CSNK1E: variants seen among roughly 807,000 people sequenced by gnomAD.
CSNK1E encodes casein kinase 1 epsilon, also known as casein kinase I isoform epsilon.
In CSNK1E, 17 loss-of-function variants were observed where a neutral mutation model predicts 46.1. That is an observed-to-expected ratio of 0.37 (90% CI 0.25 to 0.55). CSNK1E has a LOEUF of 0.55. Among genes scored for constraint, CSNK1E ranks in the 20% least tolerant of loss-of-function variants. CSNK1E has a pLI of 0.82. For synonymous variants in CSNK1E, 241 were observed against 242.6 expected, an observed-to-expected ratio of 0.99 and a Z score of 0.06; for missense variants, 386 against 595.4, an observed-to-expected ratio of 0.65 and a Z score of 3.66.
chr22:38,311,004 G>A (rs933603518), intron 2 of CSNK1E, among the ~76,000 whole-genome samples: 1 of 152,178 alleles, frequency 6.6e-6, no homozygotes, highest in Non-Finnish European at 1.5e-5. Flanking sequence ...GTGAGTCAGG[G>A]CAGGGTCCCC....
chr22:38,315,348 G>C (rs1241629719), intron 1 of CSNK1E, among the ~76,000 whole-genome samples: 1 of 152,238 alleles, frequency 6.6e-6, no homozygotes, highest in Non-Finnish European at 1.5e-5. Context: ...GAGAGACAGG[G>C]AACCCCGGCA....
At position 38,294,416 on chromosome 22, in the gene CSNK1E, C is replaced by A; in HGVS notation, c.1004G>T (p.Gly335Val). 1 of 1,559,754 alleles carries A rather than the reference C, an allele frequency of 6.4e-7. No individual in the cohort carries two copies. The highest frequency in any genetic ancestry group is 8.7e-7 in the Non-Finnish European group (1 of 1,154,686). The change falls in exon 8 of 11, where the codon GGG becomes GTG. Residue 335 changes from glycine (G) to valine (V), a missense_variant. By Grantham distance (109) the Gly-to-Val change is moderately radical (BLOSUM62 -3). Around this residue, in one of 2 missense-constraint regions of CSNK1E, gnomAD observed 174 missense variants for 185.2 expected, o/e 0.94. Transcript: ENST00000396832. The surrounding 1 kb of genome is among the most constrained non-coding windows in gnomAD (Gnocchi z 5.5). ...ACTGCGGAGCCGGTTGGCAGTGGCC[C>A]CCGTGGGTGGGCCAGGGGGCAGGGC... ...TRALPPGPPT[G>V]ATANRLRSAA...
At chr22:38,293,860 A>T in intron 9 of CSNK1E, 1 of 532,848 alleles carries the variant, frequency 1.9e-6, no homozygotes, top group Non-Finnish European at 3.3e-6. Flanking sequence ...GGCAGCGAGG[A>T]CTGGAGCCCA....
chr22:38,303,098 C>T lies in CSNK1E; in HGVS notation c.187+40G>A. 6.3e-7 allele frequency: 1 copy of T among 1,597,284 alleles called. No homozygotes were observed. Among genetic ancestry groups the T allele is most frequent in the Non-Finnish European group, 8.5e-7 (1 of 1,172,270 alleles). On this transcript the variant is annotated intron_variant, in intron 3 of 10. Transcript: ENST00000396832. The surrounding 1 kb of genome is among the most constrained non-coding windows in gnomAD (Gnocchi z 4.7). ...ACCCTGTGCTCATGGCTGCCCACCG[C>T]CACCCACCCGGCGCCCGCCGCCGCC...
chr22:38,293,481 G>C (rs1201736242), intron 9 of CSNK1E, among the ~76,000 whole-genome samples, 162 bp from the exon 10 acceptor site: 1 of 151,508 alleles, frequency 6.6e-6, no homozygotes, highest in African/African-American at 2.4e-5. Flanking sequence ...GCTGAGGGAA[G>C]GCCTGTGTGA....
chr22:38,318,064 A>C (rs185068521), upstream of CSNK1E: 40 of 152,302 alleles, frequency 2.6e-4, 1 homozygote, highest in African/African-American at 9.4e-4. Context: ...GGGCACAGAG[A>C]GGACCCCTCA....
At chr22:38,312,693 A>G (rs937364229) in intron 2 of CSNK1E, among the ~76,000 whole-genome samples, 2 of 152,156 alleles carry the variant, frequency 1.3e-5, no homozygotes, top group Admixed American at 1.3e-4. Flanking sequence ...AGTTTACAAA[A>G]TACTTTCCCA....
In CSNK1E at chr22:38,291,084, CAG is replaced by C. The variant is rs575675256; in HGVS notation, c.*885_*886del. ...AGGACCAGGGAAGTAATTTATAACTCAGAGCCAGATGCCTTCTGGAAGCAGTC... is the reference window on the plus strand; with the variant it reads ...AGGACCAGGGAAGTAATTTATAACTCAGCCAGATGCCTTCTGGAAGCAGTC... On this transcript the variant is annotated 3_prime_UTR_variant, in exon 11 of 11. Transcript: ENST00000396832. 14 of 152,218 alleles carry C rather than the reference CAG, an allele frequency of 9.2e-5. No homozygotes were observed. Among genetic ancestry groups the C allele is most frequent in the Admixed American group, 3.3e-4 (5 of 15,276 alleles). The allele number at this position is 152,218 out of a possible 1,614,324, so 9.4% of individuals were successfully genotyped here. A position where few individuals can be genotyped will look rare whatever the true frequency, so the allele number is the denominator to read the frequency against.
chr22:38,298,640 G>C lies in CSNK1E; in HGVS notation c.885+146C>G, dbSNP rs1368406388. The C allele has an allele frequency of 8.8e-6, 8 of 907,890 alleles. No homozygotes were observed. The highest frequency in any genetic ancestry group is 1.4e-5 in the Non-Finnish European group (8 of 586,088). 56.2% of individuals were successfully genotyped at this position (907,890 alleles called of 1,614,324 possible). A position where few individuals can be genotyped will look rare whatever the true frequency, so the allele number is the denominator to read the frequency against. ...AGCACGGATGAGGCTGGAGGGCTCT[G>C]GGACCCCAGTGAGGTCAACCACACT... On this transcript the variant is annotated intron_variant, in intron 7 of 10. Transcript: ENST00000396832. This position sits in a 1 kb window ranked among gnomAD's most constrained non-coding sequence, Gnocchi z 4.2.
intron 7 of CSNK1E, chr22:38,296,753 C>T: frequency 6.4e-7 from 1 of 1,554,132 alleles, no homozygotes; most frequent in South Asian, 1.2e-5. Flanking sequence ...GAACCTAGAG[C>T]AGTGATGTCC....
chr22:38,314,882 C>G (rs1207743688), intron 1 of CSNK1E, among the ~76,000 whole-genome samples: 2 of 151,884 alleles, frequency 1.3e-5, no homozygotes, highest in Non-Finnish European at 2.9e-5. Flanking sequence ...TCTGCTCTGG[C>G]CTGGGGCAGA....
In CSNK1E at chr22:38,294,210, C is replaced by T; in HGVS notation, c.1117G>A (p.Glu373Lys). The T allele has an allele frequency of 1.2e-6, 2 of 1,612,708 alleles. No homozygotes were observed. The highest frequency in any genetic ancestry group is 1.7e-6 in the Non-Finnish European group (2 of 1,179,930). Residue 373 changes from glutamate (E) to lysine (K), a missense_variant, in exon 9 of 11, where the codon GAG becomes AAG. By Grantham distance (56) the Glu-to-Lys change is moderately conservative. Transcript: ENST00000396832. The surrounding 1 kb of genome is among the most constrained non-coding windows in gnomAD (Gnocchi z 5.5). Reference protein sequence around the residue: ...SPRAISRVDRERKVSMRLHRG... With the variant: ...SPRAISRVDRKRKVSMRLHRG... ...TGCAGCCTCATACTCACCTTCCTCT[C>T]CCGGTCGACCCGCGAGATCGCTCTG...
chr22:38,305,806 T>C (rs935602652), intron 2 of CSNK1E, among the ~76,000 whole-genome samples: 1 of 151,914 alleles, frequency 6.6e-6, no homozygotes, highest in Non-Finnish European at 1.5e-5. Flanking sequence ...GTGGGGGCGC[T>C]GAGCACTCCT....
rs2145840081 is a variant in CSNK1E, at chr22:38,303,796, C to T, written c.77-548G>A. On this transcript the variant is annotated intron_variant, in intron 2 of 10. Transcript: ENST00000396832. This position sits in a 1 kb window ranked among gnomAD's most constrained non-coding sequence, Gnocchi z 4.7. Reference sequence around the variant, plus strand: ...AGTGTCTCATTCGATTCTCAACCCCCTTGTAGAGATGAGAAAACAGAGACC... The same window carrying T: ...AGTGTCTCATTCGATTCTCAACCCCTTTGTAGAGATGAGAAAACAGAGACC... 6.6e-6 allele frequency among the ~76,000 whole-genome samples: 1 copy of T among 152,280 alleles called. No homozygotes were observed. The highest frequency in any genetic ancestry group is 1.5e-5 in the Non-Finnish European group (1 of 68,012).
At chr22:38,296,273 C>A in intron 7 of CSNK1E, 1 of 1,206,648 alleles carries the variant, frequency 8.3e-7, no homozygotes, top group Non-Finnish European at 1.0e-6. Context: ...AGCATCCACC[C>A]GTCATCATAT....
intron 1 of CSNK1E, among the ~76,000 whole-genome samples, 171 bp from the exon 2 acceptor site, chr22:38,314,340 G>A (rs1487065184): frequency 2.0e-5 from 3 of 152,252 alleles, no homozygotes; most frequent in South Asian, 2.1e-4. Context: ...CTGGGGAACA[G>A]CTAAGGCAGG....
chr22:38,299,116 C>T (rs546409701), intron 6 of CSNK1E, among the ~76,000 whole-genome samples, 182 bp from the exon 7 acceptor site: 2 of 152,302 alleles, frequency 1.3e-5, no homozygotes, highest in South Asian at 2.1e-4. Flanking sequence ...CTAGCCTGCC[C>T]GTGAGCAGAG....
chr22:38,315,058 T>C (rs1051020625), intron 1 of CSNK1E, among the ~76,000 whole-genome samples: 3 of 152,116 alleles, frequency 2.0e-5, no homozygotes, highest in Non-Finnish European at 4.4e-5. Context: ...CATCAAGGAC[T>C]AGCAAGAGGG....
chr22:38,317,681 G>A (rs1400856920), upstream of CSNK1E, among the ~76,000 whole-genome samples: 2 of 152,000 alleles, frequency 1.3e-5, no homozygotes, highest in East Asian at 3.9e-4. Context: ...GGTGCGGGGG[G>A]GACAGAGGGA....
Sources: gnomAD v4.1 joint callset for allele counts (sites outside exome capture counted in the v4.1 genomes callset) on GRCh38, gnomAD v4.1.1 for gene constraint, gnomAD v4.1.1 regional missense constraint, Gnocchi (gnomAD v3.1) non-coding constraint, MANE v1.5 for transcripts, NCBI Gene and HGNC (gene_info 2026-07-23, HGNC 2026-07-21) for gene names.